The following CARF variants were observed in gnomAD, a reference collection of about 807,000 sequenced individuals.
CARF encodes calcium responsive transcription factor.
Under a neutral mutation model 82.0 loss-of-function variants are expected in CARF, and 57 were observed. The ratio of observed to expected loss-of-function variants is 0.70; its 90% CI spans 0.56 to 0.87. The LOEUF (loss-of-function observed/expected upper bound fraction) is 0.87, where lower values mean the gene tolerates loss of function less well. Among genes scored for constraint, CARF ranks in the 40% least tolerant of loss-of-function variants. CARF has a pLI of 0.00. For synonymous variants in CARF, 268 were observed against 290.1 expected (o/e 0.92, Z 0.77); for missense variants, 771 against 855.8 (o/e 0.90, Z 1.24).
At chr2:202,953,937 A>C in intron 6 of CARF, 68 bp from the exon 7 acceptor site, 1 of 1,332,962 alleles carries the variant, frequency 7.5e-7, no homozygotes, top group Non-Finnish European at 9.9e-7. Flanking sequence ...CATAAGTTTT[A>C]GTTAGGTATA....
intron 3 of CARF, among the ~76,000 whole-genome samples, chr2:202,930,404 T>G (rs1018500429): frequency 2.6e-5 from 4 of 152,234 alleles, no homozygotes; most frequent in Non-Finnish European, 5.9e-5. Flanking sequence ...ACTTTCTTTG[T>G]TCATTTTCAT....
intron 3 of CARF, among the ~76,000 whole-genome samples, chr2:202,936,187 T>A (rs1025214935): frequency 1.3e-5 from 2 of 152,148 alleles, no homozygotes; most frequent in African/African-American, 4.8e-5. Context: ...TTCCTTAATA[T>A]CAAATATCTA....
At chr2:202,917,236 A>G (rs867080377) in intron 1 of CARF, among the ~76,000 whole-genome samples, 1 of 149,966 alleles carries the variant, frequency 6.7e-6, no homozygotes, top group African/African-American at 2.4e-5. Flanking sequence ...AAAAAAAAAA[A>G]GCGCTGAGCT....
chr2:202,926,526 G>C (rs1166975438), intron 3 of CARF, among the ~76,000 whole-genome samples: 1 of 152,168 alleles, frequency 6.6e-6, no homozygotes, highest in Non-Finnish European at 1.5e-5. Flanking sequence ...CTAAAAATCA[G>C]TAGTAGTGTA....
intron 8 of CARF, among the ~76,000 whole-genome samples, chr2:202,957,077 C>T (rs963965777): frequency 3.3e-5 from 5 of 152,168 alleles, no homozygotes; most frequent in Non-Finnish European, 7.3e-5. Flanking sequence ...GCATGAGCCA[C>T]CGCGCCCAGA....
intron 7 of CARF, among the ~76,000 whole-genome samples, 186 bp downstream of exon 7, chr2:202,954,320 CA>C (rs772045060): frequency 7.9e-5 from 12 of 152,244 alleles, no homozygotes; most frequent in Non-Finnish European, 1.6e-4. Context: ...CTATAAATGT[CA>C]AAAGTGCCAC....
At chr2:202,933,322 C>T (rs1431953115) in intron 3 of CARF, among the ~76,000 whole-genome samples, 1 of 152,122 alleles carries the variant, frequency 6.6e-6, no homozygotes, top group African/African-American at 2.4e-5. Flanking sequence ...ACACTCCAGC[C>T]GTAGTTCGGA....
At chr2:202,982,857 TA>T (rs1438858449) in intron 16 of CARF, among the ~76,000 whole-genome samples, 2 of 152,126 alleles carry the variant, frequency 1.3e-5, no homozygotes. Flanking sequence ...AGTAGGCATA[TA>T]TGAAGGTTAA....
intron 5 of CARF, among the ~76,000 whole-genome samples, 161 bp from the exon 6 acceptor site, chr2:202,952,398 A>G (rs2058795781): frequency 2.6e-5 from 4 of 152,190 alleles, no homozygotes; most frequent in Admixed American, 2.6e-4. Context: ...AGACCTTGGA[A>G]AAAAATGTTT....
intron 9 of CARF, among the ~76,000 whole-genome samples, chr2:202,964,011 C>G (rs551799489): frequency 6.6e-6 from 1 of 152,270 alleles, no homozygotes; most frequent in East Asian, 1.9e-4. Context: ...TAGCCAATAT[C>G]ACATAATCAA....
At chr2:202,947,477 G>C (rs779521762) in intron 5 of CARF, among the ~76,000 whole-genome samples, 6 of 152,190 alleles carry the variant, frequency 3.9e-5, no homozygotes, top group South Asian at 2.1e-4. Context: ...GGCCTGTCGG[G>C]GGGGTAGGGG....
intron 3 of CARF, among the ~76,000 whole-genome samples, chr2:202,939,685 C>CTTTTTTTTTTTTTT (rs749966536): frequency 9.5e-6 from 1 of 104,908 alleles, no homozygotes; most frequent in African/African-American, 3.3e-5. Flanking sequence ...GCCTTTTTTT[C>CTTTTTTTTTTTTTT]TTTTTTTTTT....
intron 1 of CARF, among the ~76,000 whole-genome samples, chr2:202,917,236 A>AAAAAAAAAC (rs1689893086): frequency 6.7e-6 from 1 of 149,966 alleles, no homozygotes; most frequent in Non-Finnish European, 1.5e-5. Context: ...AAAAAAAAAA[A>AAAAAAAAAC]GCGCTGAGCT....
rs1345480704 is a variant in CARF at position 202,974,375 on chromosome 2, C to T, written c.1373C>T (p.Pro458Leu). Residue 458 changes from proline to leucine, a missense_variant, in exon 13 of 17, where the codon CCT becomes CTT. By Grantham distance (98) the Pro-to-Leu change is moderately conservative (BLOSUM62 -3). Coordinates refer to ENST00000438828, the MANE Select transcript of CARF (RefSeq NM_024744.17). ...ERELFKPDEV[P>L]ERHNLSFFPT... The stretch of plus-strand genomic sequence containing the variant: ...GAACTGTTCAAACCCGATGAGGTAC[C>T]TGAAAGACATAATTTATCTTTTTTT... The T allele has an allele frequency of 6.2e-7, 1 of 1,608,228 alleles. No individual in the cohort carries two copies. The highest frequency in any genetic ancestry group is 8.5e-7 in the Non-Finnish European group (1 of 1,178,516).
chr2:202,960,752 G>A (rs1463704382), intron 8 of CARF, among the ~76,000 whole-genome samples: 2 of 145,326 alleles, frequency 1.4e-5, no homozygotes, highest in African/African-American at 2.5e-5. Flanking sequence ...CCGCCTTCCT[G>A]CCTTCCCTCC....
rs1304841924 is a variant in CARF at position 202,912,508 on chromosome 2, C to T, written c.-924C>T. 6.7e-5 allele frequency: 10 copies of T among 149,344 alleles called. No homozygotes were observed. Among genetic ancestry groups the T allele is most frequent in the South Asian group, 4.3e-4 (2 of 4,648 alleles). The allele number at this position is 149,344 out of a possible 1,614,324, so 9.3% of individuals were successfully genotyped here. ...CTCCTGCCTCCTCCTCCTCCCGTCACCTCCTGACCCGCCGGAGCTCCGAGC... is the reference window on the plus strand; with the variant it reads ...CTCCTGCCTCCTCCTCCTCCCGTCATCTCCTGACCCGCCGGAGCTCCGAGC... On this transcript the variant is annotated 5_prime_UTR_variant, in exon 1 of 17. Transcript: ENST00000438828.
chr2:202,926,262 C>T (rs1282190989), intron 3 of CARF, among the ~76,000 whole-genome samples: 1 of 152,152 alleles, frequency 6.6e-6, no homozygotes, highest in Non-Finnish European at 1.5e-5. Flanking sequence ...TAGACGACCG[C>T]CTCTTTTTCA....
intron 2 of CARF, among the ~76,000 whole-genome samples, chr2:202,920,964 AT>A: frequency 6.6e-6 from 1 of 152,280 alleles, no homozygotes; most frequent in Admixed American, 6.5e-5. Context: ...AATTTTAAAA[AT>A]CAGGATAATC....
At chr2:202,955,530 C>A in intron 7 of CARF, 144 bp from the exon 8 acceptor site, 1 of 476,632 alleles carries the variant, frequency 2.1e-6, no homozygotes, top group Non-Finnish European at 3.7e-6. Flanking sequence ...ACTAATGCAC[C>A]CATCAGATCA....
Sources: allele counts gnomAD v4.1 joint callset (sites outside exome capture counted in the v4.1 genomes callset), GRCh38; gene constraint gnomAD v4.1.1; transcripts MANE v1.5; gene names NCBI Gene and HGNC (gene_info 2026-07-23, HGNC 2026-07-21).